The following PTPRK variants were observed in gnomAD, a reference collection of about 807,000 sequenced individuals.
The protein encoded by PTPRK is receptor-type tyrosine-protein phosphatase kappa.
PTPRK carries 75 observed loss-of-function variants against 178.0 expected under a neutral mutation model. The ratio of observed to expected loss-of-function variants is 0.42; its 90% confidence interval spans 0.35 to 0.51. The LOEUF (loss-of-function observed/expected upper bound fraction) is 0.51, where lower values mean the gene tolerates loss of function less well. Among genes scored for constraint, PTPRK ranks in the 20% least tolerant of loss-of-function variants. The pLI is 0.02. For missense variants in PTPRK, 1,441 were observed against 1,797.8 expected, an observed-to-expected ratio of 0.80 and a Z score of 3.59; for synonymous variants, 637 against 620.6, an observed-to-expected ratio of 1.03 and a Z score of -0.39.
chr6:128,428,548 G>T (rs1466819537), intron 1 of PTPRK, among the ~76,000 whole-genome samples: 1 of 152,192 alleles, frequency 6.6e-6, no homozygotes, highest in East Asian at 1.9e-4. Context: ...ACCTCCCTGA[G>T]GAGGAACTAG....
chr6:128,080,653 C>T (rs1185640390), intron 10 of PTPRK, among the ~76,000 whole-genome samples: 1 of 151,806 alleles, frequency 6.6e-6, no homozygotes, highest in Non-Finnish European at 1.5e-5. Context: ...AAATAATTCC[C>T]CCAACAGTTA....
chr6:128,353,744 AG>A (rs1397718155), intron 2 of PTPRK, among the ~76,000 whole-genome samples: 1 of 152,202 alleles, frequency 6.6e-6, no homozygotes, highest in Admixed American at 6.5e-5. Context: ...GTCTACGAAA[AG>A]GTAGCCCAAG....
intron 5 of PTPRK, among the ~76,000 whole-genome samples, chr6:128,225,560 T>C (rs892908939): frequency 6.6e-6 from 1 of 152,148 alleles, no homozygotes; most frequent in Admixed American, 6.5e-5. Flanking sequence ...ATCATCACAA[T>C]CACCATTATT....
rs1786564473 is a variant in PTPRK at position 128,089,570 on chromosome 6, TAA to T, written c.1465+118_1465+119del. 19 of 1,100,382 alleles carry T rather than the reference TAA, an allele frequency of 1.7e-5. 1 individual carries two copies. The South Asian group carries it at 2.8e-4, about 16-fold the overall frequency. The allele number at this position is 1,100,382 out of a possible 1,614,324, so 68.2% of individuals were successfully genotyped here. A position where few individuals can be genotyped will look rare whatever the true frequency, so the allele number is the denominator to read the frequency against. ...TTTTTTCCAAAGTTAATCTCATTAA[TAA>T]CATTTAGATGATTTCAGAATCCAAT... is the stretch of plus-strand genomic sequence containing the variant. On this transcript the variant is annotated intron_variant, in intron 8 of 29. Transcript: ENST00000368226.
intron 13 of PTPRK, among the ~76,000 whole-genome samples, chr6:128,028,710 T>C (rs905581822): frequency 1.3e-5 from 2 of 152,254 alleles, no homozygotes; most frequent in African/African-American, 4.8e-5. Flanking sequence ...ATATCCTATG[T>C]ATTTTTAGTA....
At chr6:128,119,214 A>G (rs1188201104) in intron 7 of PTPRK, among the ~76,000 whole-genome samples, 3 of 152,104 alleles carry the variant, frequency 2.0e-5, no homozygotes, top group Non-Finnish European at 2.9e-5. Context: ...AAGTTAAAAA[A>G]ACTTAAACAT....
intron 13 of PTPRK, among the ~76,000 whole-genome samples, chr6:128,059,531 A>G (rs1022159080): frequency 2.0e-5 from 3 of 152,104 alleles, no homozygotes; most frequent in Non-Finnish European, 2.9e-5. Context: ...GGTTGTACCA[A>G]TTTATGTTTT....
rs199678395 is a variant in PTPRK at position 128,397,673 on chromosome 6, T to C, written c.116A>G (p.Asp39Gly). ...GQFSAGGCTF[D>G]DGPGACDYHQ... ...GTAATCACAGGCCCCTGGACCATCA[T>C]CAAAAGTACAGCCACCTAGGAGAAA... Residue 39 changes from aspartate (D) to glycine (G), a missense_variant, in exon 2 of 30, where the codon GAT (aspartate) becomes GGT (glycine). Physicochemically the swap from Asp to Gly is moderately conservative, Grantham distance 94 (BLOSUM62 -1). Coordinates refer to ENST00000368226, the MANE Select transcript of PTPRK (RefSeq NM_002844.4). 4.0e-4 allele frequency: 649 copies of C among 1,613,468 alleles called. No homozygotes were observed. The highest frequency in any genetic ancestry group is 5.2e-4 in the Non-Finnish European group (608 of 1,179,504).
In PTPRK at chr6:128,204,912, G is replaced by A. The variant is rs1034103384; in HGVS notation, c.868+14010C>T. The stretch of plus-strand genomic sequence containing the variant: ...ATTTGACCCAGAAATCCCTCTACTG[G>A]GTATATACCCAAAAGAATGGAATCA... On this transcript the variant is annotated intron_variant, in intron 6 of 29. Coordinates refer to ENST00000368226, the MANE Select transcript of PTPRK (RefSeq NM_002844.4). Among the ~76,000 whole-genome samples, 5 of 151,948 alleles carry A rather than the reference G, an allele frequency of 3.3e-5. No individual in the cohort carries two copies. In the South Asian group the frequency reaches 6.2e-4, roughly 19 times the overall value.
At chr6:128,080,103 C>A (rs1784550730) in intron 10 of PTPRK, among the ~76,000 whole-genome samples, 1 of 150,990 alleles carries the variant, frequency 6.6e-6, no homozygotes, top group Non-Finnish European at 1.5e-5. Context: ...ATGTTTAAGC[C>A]AAATATTAAA....
intron 3 of PTPRK, among the ~76,000 whole-genome samples, chr6:128,270,374 T>C (rs546941805): frequency 5.3e-5 from 8 of 152,086 alleles, no homozygotes; most frequent in Non-Finnish European, 1.2e-4. Flanking sequence ...ACATATAGCT[T>C]AAATAGAATT....
chr6:128,459,939 G>T (rs540615470), intron 1 of PTPRK, among the ~76,000 whole-genome samples: 7 of 152,118 alleles, frequency 4.6e-5, no homozygotes, highest in Non-Finnish European at 1.0e-4. Context: ...GGGGAGCACA[G>T]CATCTCACAT....
At chr6:128,448,770 A>G (rs752649498) in intron 1 of PTPRK, among the ~76,000 whole-genome samples, 3 of 152,182 alleles carry the variant, frequency 2.0e-5, no homozygotes, top group Non-Finnish European at 2.9e-5. Flanking sequence ...CTAACAAGAT[A>G]TTTTGCCTTC....
intron 3 of PTPRK, among the ~76,000 whole-genome samples, chr6:128,308,557 G>A (rs1404610321): frequency 1.3e-5 from 2 of 152,040 alleles, no homozygotes; most frequent in Non-Finnish European, 2.9e-5. Flanking sequence ...TATATCTAAG[G>A]AAGGAAGGAG....
At chr6:128,374,337 C>A (rs1171368920) in intron 2 of PTPRK, among the ~76,000 whole-genome samples, 1 of 152,234 alleles carries the variant, frequency 6.6e-6, no homozygotes, top group East Asian at 1.9e-4. Flanking sequence ...CAAAGACCAT[C>A]TATACAATAA....
rs138077112 is a variant in PTPRK at position 128,462,334 on chromosome 6, G to A, written c.100+57925C>T. On this transcript the variant is annotated intron_variant, in intron 1 of 29. Transcript: ENST00000368226. ...GTATTTTAGAAAGGAAAAATCACAT[G>A]TTGTTTATTTTAATACTTATGTAAT... Among the ~76,000 whole-genome samples the A allele has an allele frequency of 4.2e-3, 641 of 152,130 alleles. 6 individuals are homozygous for A. Among genetic ancestry groups the A allele is most frequent in the African/African-American group, 0.014 (597 of 41,476 alleles).
intron 1 of PTPRK, among the ~76,000 whole-genome samples, chr6:128,409,041 A>G (rs1280046465): frequency 6.6e-6 from 1 of 152,228 alleles, no homozygotes; most frequent in Non-Finnish European, 1.5e-5. Flanking sequence ...ACAAAAATGG[A>G]AAGAAGACAG....
At chr6:128,384,706 A>G (rs894158117) in intron 2 of PTPRK, among the ~76,000 whole-genome samples, 1 of 152,216 alleles carries the variant, frequency 6.6e-6, no homozygotes, top group African/African-American at 2.4e-5. Context: ...AAAGAAATAC[A>G]TTGAATACAA....
intron 6 of PTPRK, among the ~76,000 whole-genome samples, chr6:128,209,066 T>C (rs1807564667): frequency 6.6e-6 from 1 of 152,110 alleles, no homozygotes; most frequent in Admixed American, 6.6e-5. Flanking sequence ...TGACTCATTC[T>C]TTCTACCATA....
Sources: gnomAD v4.1 joint callset for allele counts (sites outside exome capture counted in the v4.1 genomes callset) on GRCh38, gnomAD v4.1.1 for gene constraint, MANE v1.5 for transcripts, NCBI Gene and HGNC (gene_info 2026-07-23, HGNC 2026-07-21) for gene names.